The following IMMP2L variants were observed in gnomAD, a reference collection of about 807,000 sequenced individuals.
The protein encoded by IMMP2L is inner mitochondrial membrane peptidase subunit 2.
A neutral mutation model predicts 19.3 loss-of-function variants in IMMP2L; 18 were observed. The ratio of observed to expected loss-of-function variants is 0.93; its 90% confidence interval spans 0.64 to 1.38. IMMP2L has a LOEUF of 1.38. IMMP2L is among the 40% of genes most tolerant of loss of function. The probability of loss-of-function intolerance (pLI) is 0.00; values close to 1 mark genes in which losing one functional copy is unlikely to be tolerated. For synonymous variants in IMMP2L, 76 were observed against 73.0 expected, an observed-to-expected ratio of 1.04 and a Z score of -0.21; for missense variants, 233 against 218.2, an observed-to-expected ratio of 1.07 and a Z score of -0.43.
At chr7:111,537,649 C>T (rs1403596724) in intron 1 of IMMP2L, among the ~76,000 whole-genome samples, 1 of 150,256 alleles carries the variant, frequency 6.7e-6, no homozygotes, top group African/African-American at 2.5e-5. Flanking sequence ...AATCCTCCCA[C>T]TTCAGCCTCC....
intron 3 of IMMP2L, among the ~76,000 whole-genome samples, chr7:111,077,224 A>C (rs1163489005): frequency 6.6e-6 from 1 of 152,226 alleles, no homozygotes; most frequent in African/African-American, 2.4e-5. Flanking sequence ...GAAATAAATG[A>C]CTAGGGCTGA....
intron 4 of IMMP2L, among the ~76,000 whole-genome samples, chr7:110,916,733 A>G (rs1478361040): frequency 6.6e-6 from 1 of 152,250 alleles, no homozygotes; most frequent in Admixed American, 6.5e-5. Flanking sequence ...TCAACTTGCT[A>G]ATTTTATATT....
intron 3 of IMMP2L, among the ~76,000 whole-genome samples, chr7:110,984,421 A>G (rs1821639643): frequency 1.3e-5 from 2 of 152,070 alleles, no homozygotes; most frequent in South Asian, 4.1e-4. Flanking sequence ...TTTTAAATAC[A>G]GTGCTTTAGA....
chr7:110,733,793 C>T (rs1221701454), intron 5 of IMMP2L, among the ~76,000 whole-genome samples: 4 of 151,996 alleles, frequency 2.6e-5, no homozygotes, highest in African/African-American at 7.2e-5. Flanking sequence ...CTTCTTCCCC[C>T]TCTGGCCCTT....
At chr7:110,869,538 A>T (rs1158497745) in intron 5 of IMMP2L, among the ~76,000 whole-genome samples, 1 of 152,116 alleles carries the variant, frequency 6.6e-6, no homozygotes, top group African/African-American at 2.4e-5. Context: ...ACACAGACAA[A>T]ACTATAGGCC....
chr7:110,881,420 TAAC>T (rs1809618359), intron 5 of IMMP2L, among the ~76,000 whole-genome samples: 1 of 152,138 alleles, frequency 6.6e-6, no homozygotes, highest in Non-Finnish European at 1.5e-5. Flanking sequence ...TATGACTTAT[TAAC>T]AAAAACCATA....
intron 5 of IMMP2L, among the ~76,000 whole-genome samples, chr7:110,670,831 G>A (rs1218760573): frequency 6.6e-6 from 1 of 152,036 alleles, no homozygotes; most frequent in Non-Finnish European, 1.5e-5. Flanking sequence ...AACAATTTTT[G>A]CTTTGAAGAA....
chr7:110,904,910 A>G (rs1812292569), intron 4 of IMMP2L, among the ~76,000 whole-genome samples: 1 of 152,188 alleles, frequency 6.6e-6, no homozygotes. Context: ...AACAAAAGCA[A>G]TCCTGTTTCA....
intron 3 of IMMP2L, among the ~76,000 whole-genome samples, chr7:111,062,936 C>T (rs1284709557): frequency 6.6e-6 from 1 of 152,210 alleles, no homozygotes; most frequent in Non-Finnish European, 1.5e-5. Context: ...GCGGCTTTTC[C>T]AGGCACATGG....
At chr7:111,528,672 T>C (rs1485797684) in intron 1 of IMMP2L, among the ~76,000 whole-genome samples, 1 of 152,200 alleles carries the variant, frequency 6.6e-6, no homozygotes, top group Admixed American at 6.5e-5. Context: ...TTTTAGCTTG[T>C]ACAAAGTCAC....
At chr7:111,365,658 G>C (rs991664006) in intron 3 of IMMP2L, among the ~76,000 whole-genome samples, 1 of 152,042 alleles carries the variant, frequency 6.6e-6, no homozygotes, top group Non-Finnish European at 1.5e-5. Context: ...TCAACTTACA[G>C]GGCAAATAAA....
chr7:111,513,315 T>C lies in IMMP2L; in HGVS notation c.135+7998A>G, dbSNP rs189584433. Among the ~76,000 whole-genome samples the C allele has an allele frequency of 1.4e-4, 21 of 152,222 alleles. No homozygotes were observed. In the East Asian group the frequency reaches 3.7e-3, roughly 27 times the overall value. ...ATAGGAAAAAGACCTGTATAGAGAA[T>C]TCTCAAGACATACAAATGGCCCAGA... On this transcript the variant is annotated intron_variant, in intron 2 of 5. Coordinates refer to ENST00000405709, the MANE Select transcript of IMMP2L (RefSeq NM_032549.4).
At chr7:110,669,073 GTGTGTGTGTGTGTGTGTATATGTA>G (rs1791692693) in intron 5 of IMMP2L, among the ~76,000 whole-genome samples, 1 of 104,018 alleles carries the variant, frequency 9.6e-6, no homozygotes, top group African/African-American at 4.5e-5. Context: ...GTGTGTGTGT[GTGTGTGTGTGTGTGTGTATATGTA>G]TATATATATA....
intron 3 of IMMP2L, among the ~76,000 whole-genome samples, chr7:111,058,919 T>C (rs931936339): frequency 5.9e-5 from 9 of 152,192 alleles, no homozygotes; most frequent in Non-Finnish European, 1.2e-4. Flanking sequence ...TTTGAGACTT[T>C]ATCACTGTGT....
chr7:111,051,609 T>C (rs922488330), intron 3 of IMMP2L, among the ~76,000 whole-genome samples: 1 of 152,238 alleles, frequency 6.6e-6, no homozygotes, highest in African/African-American at 2.4e-5. Flanking sequence ...GGGAAAAATA[T>C]TTGAGAAATG....
intron 3 of IMMP2L, among the ~76,000 whole-genome samples, chr7:111,273,728 G>C (rs968423664): frequency 4.6e-5 from 7 of 152,020 alleles, no homozygotes; most frequent in African/African-American, 1.7e-4. Context: ...AACATTCAAG[G>C]CTCAAGCAAA....
chr7:111,529,461 C>G (rs918349501), intron 1 of IMMP2L, among the ~76,000 whole-genome samples: 3 of 152,114 alleles, frequency 2.0e-5, no homozygotes, highest in African/African-American at 7.2e-5. Context: ...TAAACAGACA[C>G]TTAGTACTCT....
In IMMP2L at chr7:110,799,003, C is replaced by T. The variant is rs560485226; in HGVS notation, c.408+87590G>A. Among the ~76,000 whole-genome samples, 3 of 151,982 alleles carry T rather than the reference C, an allele frequency of 2.0e-5. No individual in the cohort carries two copies. The South Asian group carries it at 6.2e-4, about 32-fold the overall frequency. ...CTAAAACAATGGTAATACGCTGTAA[C>T]TCAAATAAGGCATTTTATGTCAGTT... On this transcript the variant is annotated intron_variant, in intron 5 of 5. Transcript: ENST00000405709.
chr7:111,359,384 T>C (rs372003590), intron 3 of IMMP2L, among the ~76,000 whole-genome samples: 1 of 151,910 alleles, frequency 6.6e-6, no homozygotes, highest in Admixed American at 6.6e-5. Context: ...TCACTGCAAC[T>C]TCCACCTCCC....
Sources: gnomAD v4.1 joint callset for allele counts (sites outside exome capture counted in the v4.1 genomes callset) on GRCh38, gnomAD v4.1.1 for gene constraint, MANE v1.5 for transcripts, NCBI Gene and HGNC (gene_info 2026-07-23, HGNC 2026-07-21) for gene names.